The following KAT6A variants were observed in gnomAD, a reference collection of about 807,000 sequenced individuals.
KAT6A encodes lysine acetyltransferase 6A.
In KAT6A, 9 loss-of-function variants were observed where a neutral mutation model predicts 198.4. That is an observed-to-expected ratio of 0.05 (90% confidence interval 0.03 to 0.08). KAT6A has a LOEUF of 0.08. KAT6A is among the 10% of genes least tolerant of loss of function. The pLI is 1.00. For synonymous variants in KAT6A, 890 were observed against 883.0 expected, an observed-to-expected ratio of 1.01 and a Z score of -0.14; for missense variants, 2,077 against 2,509.9, an observed-to-expected ratio of 0.83 and a Z score of 3.69.
intron 2 of KAT6A, among the ~76,000 whole-genome samples, chr8:42,013,921 TTC>T (rs1397689572): frequency 6.6e-6 from 1 of 152,122 alleles, no homozygotes; most frequent in Non-Finnish European, 1.5e-5. Flanking sequence ...ATATATTCAG[TTC>T]TGAGGTCACA....
intron 2 of KAT6A, among the ~76,000 whole-genome samples, chr8:42,006,498 T>G (rs1825756803): frequency 1.3e-5 from 2 of 152,146 alleles, no homozygotes; most frequent in African/African-American, 4.8e-5. Flanking sequence ...GTTTTTTGGA[T>G]TTTGGAATAT....
chr8:41,957,492 C>T (rs778155073), intron 8 of KAT6A: 15 of 312,710 alleles, frequency 4.8e-5, no homozygotes, highest in African/African-American at 1.1e-4. Flanking sequence ...AACCAAAGTA[C>T]GTTTTCGCTA....
intron 2 of KAT6A, among the ~76,000 whole-genome samples, chr8:41,988,525 A>G (rs1278967893): frequency 6.6e-6 from 1 of 152,244 alleles, no homozygotes; most frequent in Non-Finnish European, 1.5e-5. Flanking sequence ...TTATTGTAGC[A>G]ATATCAAAGA....
At chr8:41,971,764 G>C (rs1823806944) in intron 8 of KAT6A, among the ~76,000 whole-genome samples, 1 of 152,142 alleles carries the variant, frequency 6.6e-6, no homozygotes, top group South Asian at 2.1e-4. Context: ...AAAAGCAGAA[G>C]CAAGTTTAGT....
At position 41,998,179 on chromosome 8, in the gene KAT6A, A is replaced by G. The variant is rs1405871024; in HGVS notation, c.601-10616T>C. 3.3e-5 allele frequency among the ~76,000 whole-genome samples: 5 copies of G among 152,318 alleles called. No homozygotes were observed. In the East Asian group the frequency reaches 9.6e-4, roughly 29 times the overall value. On this transcript the variant is annotated intron_variant, in intron 2 of 16. Coordinates refer to ENST00000265713, the MANE Select transcript of KAT6A (RefSeq NM_006766.5). ...TTCAAAGCACTTATAAATGTCAGTC[A>G]ATTCAAAGACAAAATCCACACAAAA...
intron 1 of KAT6A, among the ~76,000 whole-genome samples, chr8:42,050,368 A>C (rs528719673): frequency 6.6e-6 from 1 of 152,252 alleles, no homozygotes; most frequent in Admixed American, 6.5e-5. Flanking sequence ...GCCTCCAAAA[A>C]TAAGTTTAAC....
intron 2 of KAT6A, chr8:42,043,383 G>C (rs945687993): frequency 1.3e-5 from 2 of 152,152 alleles, no homozygotes; most frequent in East Asian, 1.9e-4. Context: ...CTCTGGTATA[G>C]CAATACAACT....
chr8:41,952,545 C>T (rs1476307370), intron 9 of KAT6A, among the ~76,000 whole-genome samples: 1 of 152,142 alleles, frequency 6.6e-6, no homozygotes, highest in Non-Finnish European at 1.5e-5. Flanking sequence ...GCAATGCATA[C>T]ACAAATATCT....
At chr8:42,033,829 TAATTA>T (rs938207186) in intron 2 of KAT6A, among the ~76,000 whole-genome samples, 2 of 152,254 alleles carry the variant, frequency 1.3e-5, no homozygotes, top group African/African-American at 4.8e-5. Flanking sequence ...AAAAATTTTT[TAATTA>T]AAAAAATTAA....
chr8:41,983,888 T>C (rs559279696), intron 3 of KAT6A, among the ~76,000 whole-genome samples: 1 of 152,344 alleles, frequency 6.6e-6, no homozygotes, highest in East Asian at 1.9e-4. Flanking sequence ...TAAAACACTT[T>C]TCATAGGCTC....
intron 8 of KAT6A, among the ~76,000 whole-genome samples, chr8:41,960,506 CA>C (rs71548553): frequency 0.021 from 1,823 of 85,130 alleles, 25 homozygotes; most frequent in African/African-American, 0.063. Flanking sequence ...GACTCCGTCT[CA>C]AAAAAAAAAA....
intron 3 of KAT6A, among the ~76,000 whole-genome samples, chr8:41,986,827 C>T (rs757227584): frequency 3.3e-5 from 5 of 152,096 alleles, no homozygotes; most frequent in East Asian, 1.9e-4. Flanking sequence ...CACCTGAGGT[C>T]GGGAGTTTGA....
In KAT6A at chr8:41,934,434, C is replaced by G. The variant is rs762966602; in HGVS notation, c.3786G>C (p.Glu1262Asp). ...ASPADSSNSP[E>D]TETKEPEVEE... ...CCACCTCAGGCTCCTTGGTTTCGGTCTCAGGACTATTGCTGCTGTCTGCTG... is the reference window on the plus strand; with the variant it reads ...CCACCTCAGGCTCCTTGGTTTCGGTGTCAGGACTATTGCTGCTGTCTGCTG... The change falls in exon 17 of 17, where the codon GAG becomes GAC. Residue 1262 changes from glutamate to aspartate, a missense_variant. Glu to Asp is a conservative substitution (Grantham distance 45). Coordinates refer to ENST00000265713, the MANE Select transcript of KAT6A (RefSeq NM_006766.5). The G allele has an allele frequency of 6.2e-7, 1 of 1,609,004 alleles. No homozygotes were observed. The highest frequency in any genetic ancestry group is 1.1e-5 in the South Asian group (1 of 90,768).
At chr8:41,976,872 G>GT (rs1295987051) in intron 7 of KAT6A, 136 bp downstream of exon 7, 1 of 745,294 alleles carries the variant, frequency 1.3e-6, no homozygotes, top group Non-Finnish European at 2.1e-6. Context: ...TCATCTACAT[G>GT]TTTTTTCAAT....
chr8:42,012,478 C>G (rs1826070294), intron 2 of KAT6A, among the ~76,000 whole-genome samples: 1 of 152,166 alleles, frequency 6.6e-6, no homozygotes, highest in South Asian at 2.1e-4. Context: ...AGGTGACACA[C>G]ACACAAAGGA....
intron 14 of KAT6A, chr8:41,941,909 TGGA>T (rs2150862167): frequency 1.2e-5 from 2 of 171,942 alleles, no homozygotes; most frequent in South Asian, 4.0e-4. Flanking sequence ...GTAAACAGGG[TGGA>T]GGAGACAGGA....
At chr8:41,938,966 A>G (rs1403236798) in intron 15 of KAT6A, among the ~76,000 whole-genome samples, 1 of 151,504 alleles carries the variant, frequency 6.6e-6, no homozygotes, top group Non-Finnish European at 1.5e-5. Context: ...AAAAAAAAAA[A>G]AAAAAAAAAA....
At chr8:42,012,177 T>C (rs901718738) in intron 2 of KAT6A, among the ~76,000 whole-genome samples, 1 of 152,220 alleles carries the variant, frequency 6.6e-6, no homozygotes, top group Non-Finnish European at 1.5e-5. Context: ...ACAGCCACTA[T>C]GGAAAACAGC....
chr8:42,038,132 A>G (rs1173244217), intron 2 of KAT6A, among the ~76,000 whole-genome samples: 1 of 152,212 alleles, frequency 6.6e-6, no homozygotes, highest in Non-Finnish European at 1.5e-5. Flanking sequence ...ATTCTAACCA[A>G]TGATCCAAGT....
Sources: allele counts gnomAD v4.1 joint callset (sites outside exome capture counted in the v4.1 genomes callset), GRCh38; gene constraint gnomAD v4.1.1; transcripts MANE v1.5; gene names NCBI Gene and HGNC (gene_info 2026-07-23, HGNC 2026-07-21).